ANKRD26: variants seen among roughly 807,000 people sequenced by gnomAD.
ANKRD26 encodes the protein ankyrin repeat domain 26, also known as ankyrin repeat domain-containing protein 26.
A neutral mutation model predicts 208.7 loss-of-function variants in ANKRD26; 141 were observed. The observed-to-expected ratio is 0.68, with a 90% confidence interval of 0.59 to 0.78. The LOEUF (loss-of-function observed/expected upper bound fraction) is 0.78, where lower values mean the gene tolerates loss of function less well. Among genes scored for constraint, ANKRD26 ranks in the 30% least tolerant of loss-of-function variants. ANKRD26 has a pLI of 0.00. For synonymous variants in ANKRD26, 636 were observed against 660.4 expected (o/e 0.96, Z 0.57); for missense variants, 1,889 against 1,938.7 (o/e 0.97, Z 0.48).
intron 15 of ANKRD26, among the ~76,000 whole-genome samples, chr10:27,056,120 C>A (rs866951171): frequency 6.6e-6 from 1 of 152,068 alleles, no homozygotes; most frequent in Non-Finnish European, 1.5e-5. Context: ...GTATTTTGTC[C>A]GGTTGTAGGT....
intron 27 of ANKRD26, among the ~76,000 whole-genome samples, chr10:27,025,716 G>A (rs1382832770): frequency 6.6e-6 from 1 of 152,076 alleles, no homozygotes; most frequent in Admixed American, 6.6e-5. Flanking sequence ...CCTTCATGCT[G>A]AGTCCTGTCC....
At chr10:27,081,015 G>A (rs1383922018) in intron 6 of ANKRD26, 1 of 942,142 alleles carries the variant, frequency 1.1e-6, no homozygotes, top group Non-Finnish European at 1.3e-6. Context: ...AGTACTTGAG[G>A]GGCTCAAAGC....
In ANKRD26 at chr10:27,033,325, G is replaced by C; in HGVS notation, c.3707C>G (p.Ser1236Cys). The change falls in exon 25 of 34, where the codon TCT becomes TGT. Residue 1236 changes from serine to cysteine, a missense_variant. Coordinates refer to ENST00000376087, the MANE Select transcript of ANKRD26 (RefSeq NM_014915.3). ...AACCTCCAGTGAAGCCTCTGACATA[G>C]ATTGTTTTTTTAGGGTATCAGCTAG... Reference protein sequence around the residue: ...QELADTLKKQSMSEASLEVTS... With the variant: ...QELADTLKKQCMSEASLEVTS... The C allele has an allele frequency of 1.9e-6, 3 of 1,612,088 alleles. No homozygotes were observed. The highest frequency in any genetic ancestry group is 2.5e-6 in the Non-Finnish European group (3 of 1,178,688).
intron 1 of ANKRD26, among the ~76,000 whole-genome samples, chr10:27,095,563 G>A (rs1311935717): frequency 6.6e-6 from 1 of 152,182 alleles, no homozygotes; most frequent in Non-Finnish European, 1.5e-5. Context: ...AGCTACTCGA[G>A]GGGGCTGAGG....
the ANKRD26 span, among the ~76,000 whole-genome samples, chr10:26,960,169 A>G: frequency 6.6e-6 from 1 of 151,494 alleles, no homozygotes. Flanking sequence ...AAGGGGGGGT[A>G]GTGTCTATTT....
chr10:27,061,940 T>A, intron 12 of ANKRD26: 1 of 984,744 alleles, frequency 1.0e-6, no homozygotes, highest in African/African-American at 1.7e-5. Context: ...AATTCTAGCA[T>A]GCCCTCCTGC....
intron 4 of ANKRD26, chr10:26,995,214 A>C: frequency 2.1e-6 from 1 of 470,404 alleles, no homozygotes; most frequent in Non-Finnish European, 4.4e-6. Flanking sequence ...ATAAAAGCAA[A>C]ACTTCACGGA....
chr10:27,031,779 C>A (rs1330375749), intron 25 of ANKRD26, among the ~76,000 whole-genome samples: 1 of 152,048 alleles, frequency 6.6e-6, no homozygotes, highest in Non-Finnish European at 1.5e-5. Flanking sequence ...TTTAGATGTA[C>A]ATGCTATACA....
rs190741127 is a variant in ANKRD26, at chr10:27,035,187, C to T, written c.3263G>A (p.Arg1088Lys). 2.0e-5 allele frequency: 33 copies of T among 1,614,036 alleles called. No homozygotes were observed. The East Asian group carries it at 5.1e-4, about 25-fold the overall frequency. Residue 1088 changes from arginine to lysine, a missense_variant, in exon 24 of 34, where the codon AGA (arginine) becomes AAA (lysine). Physicochemically the swap from Arg to Lys is conservative, Grantham distance 26 (BLOSUM62 2). Around this residue, in one of 3 missense-constraint regions of ANKRD26, gnomAD observed 1,272 missense variants for 1,273.8 expected, o/e 1.00. Coordinates refer to ENST00000376087, the MANE Select transcript of ANKRD26 (RefSeq NM_014915.3). The stretch of plus-strand genomic sequence containing the variant: ...CCGTTCTAAACCCAAAGTCTTTTCT[C>T]TGAGGGCATCTCTCGTGTGATGGAA... ...IEFHHTRDAL[R>K]EKTLGLERVQ...
At chr10:26,969,982 G>A (rs557550142), downstream of ANKRD26, among the ~76,000 whole-genome samples, 13 of 151,044 alleles carry the variant, frequency 8.6e-5, no homozygotes, top group African/African-American at 2.7e-4. Context: ...TTACAGGTGC[G>A]TGCCACCATG....
intron 20 of ANKRD26, among the ~76,000 whole-genome samples, chr10:27,040,898 C>T (rs188809666): frequency 6.6e-6 from 1 of 152,000 alleles, no homozygotes; most frequent in African/African-American, 2.4e-5. Flanking sequence ...GGCGTGGTGG[C>T]AGGCACCTGT....
At chr10:26,999,136 T>C (rs1017412504), downstream of ANKRD26, among the ~76,000 whole-genome samples, 1 of 152,198 alleles carries the variant, frequency 6.6e-6, no homozygotes, top group Non-Finnish European at 1.5e-5. Flanking sequence ...ATTCTGGCTG[T>C]TTAGTTTTTG....
At chr10:27,067,503 T>C (rs149709143) in intron 9 of ANKRD26, among the ~76,000 whole-genome samples, 1 of 152,122 alleles carries the variant, frequency 6.6e-6, no homozygotes, top group East Asian at 1.9e-4. Flanking sequence ...GCAGGCTGTA[T>C]AGGAGGCATA....
Position 27,006,948 on chromosome 10 carries a change from C to T in ANKRD26, c.4968G>A (p.Leu1656=), listed in dbSNP as rs1356853298. ...TGAGTTCTCTAGTTATATTTTTTTC[C>T]AACTCCTGCTGCATCTGAAAAAAGT... ...ENYLSKMQQE[L]EKNITRELKE... The change falls in exon 33 of 34, where the codon TTG becomes TTA. Residue 1656 remains leucine (L), a synonymous_variant. Coordinates refer to ENST00000376087, the MANE Select transcript of ANKRD26 (RefSeq NM_014915.3). The T allele has an allele frequency of 1.2e-6, 2 of 1,609,232 alleles. No individual in the cohort carries two copies. Among genetic ancestry groups the T allele is most frequent in the Admixed American group, 1.7e-5 (1 of 59,916 alleles).
chr10:26,969,352 A>T (rs1213406358), downstream of ANKRD26, among the ~76,000 whole-genome samples: 3 of 152,218 alleles, frequency 2.0e-5, no homozygotes, highest in African/African-American at 4.8e-5. Flanking sequence ...TAGAAAGAGA[A>T]ATGTTTTTGT....
At chr10:27,028,585 C>CAAAAAAAAAAAAAAAAAAAAAAAA (rs11294303) in intron 27 of ANKRD26, among the ~76,000 whole-genome samples, 4 of 76,060 alleles carry the variant, frequency 5.3e-5, no homozygotes, top group Admixed American at 1.6e-4. Flanking sequence ...GACTCCATCT[C>CAAAAAAAAAAAAAAAAAAAAAAAA]AAAAAAAAAA....
At chr10:27,027,642 T>C (rs1374238354) in intron 27 of ANKRD26, among the ~76,000 whole-genome samples, 6 of 152,286 alleles carry the variant, frequency 3.9e-5, no homozygotes, top group South Asian at 4.2e-4. Context: ...TTCTATAAAG[T>C]CAAGAGGACT....
At chr10:26,984,202 G>A (rs1243956962) in intron 3 of ANKRD26, among the ~76,000 whole-genome samples, 2 of 152,186 alleles carry the variant, frequency 1.3e-5, no homozygotes, top group African/African-American at 4.8e-5. Flanking sequence ...AGTATCCCTA[G>A]GATAATCATC....
chr10:27,093,230 AAATACTTT>A, intron 3 of ANKRD26, 111 bp downstream of exon 3: 1 of 959,294 alleles, frequency 1.0e-6, no homozygotes, highest in Non-Finnish European at 1.6e-6. Context: ...AGTTATTTTA[AAATACTTT>A]CAGTCAGGGA....
Sources: gnomAD v4.1 joint callset for allele counts (sites outside exome capture counted in the v4.1 genomes callset) on GRCh38, gnomAD v4.1.1 for gene constraint, gnomAD v4.1.1 regional missense constraint, MANE v1.5 for transcripts, NCBI Gene and HGNC (gene_info 2026-07-23, HGNC 2026-07-21) for gene names.